Variants in LPP observed in about 807,000 individuals in gnomAD.
LPP encodes the protein lipoma-preferred partner.
Under a neutral mutation model 60.4 loss-of-function variants are expected in LPP, and 38 were observed. That is an observed-to-expected ratio of 0.63 (90% CI 0.49 to 0.83). LPP has a LOEUF of 0.83. Among genes scored for constraint, LPP ranks in the 40% least tolerant of loss-of-function variants. The probability of loss-of-function intolerance (pLI) is 0.00; values close to 1 mark genes in which losing one functional copy is unlikely to be tolerated. For missense variants in LPP, 902 were observed against 783.6 expected (o/e 1.15, Z -1.80); for synonymous variants, 328 against 290.8 (o/e 1.13, Z -1.30).
chr3:188,708,643 T>C, intron 8 of LPP: 1 of 560,974 alleles, frequency 1.8e-6, no homozygotes, highest in Non-Finnish European at 3.1e-6. Context: ...AATTTTATTG[T>C]TGAGACTTAT....
At chr3:188,549,664 C>T (rs897437052) in intron 6 of LPP, among the ~76,000 whole-genome samples, 26 of 152,002 alleles carry the variant, frequency 1.7e-4, no homozygotes, top group African/African-American at 6.3e-4. Context: ...AGTGATAAAC[C>T]CAAAAAATAC....
intron 2 of LPP, among the ~76,000 whole-genome samples, chr3:188,305,813 C>T (rs1040712154): frequency 5.3e-5 from 8 of 152,092 alleles, no homozygotes; most frequent in African/African-American, 1.7e-4. Context: ...GTACGTTGGC[C>T]AGAGAGAGAC....
chr3:188,289,638 CAT>C (rs936309099), intron 2 of LPP, among the ~76,000 whole-genome samples: 23 of 152,162 alleles, frequency 1.5e-4, no homozygotes, highest in African/African-American at 5.3e-4. Flanking sequence ...CCTGTAAACA[CAT>C]GTTTTTTTCA....
intron 9 of LPP, among the ~76,000 whole-genome samples, chr3:188,801,695 C>A (rs968145238): frequency 1.3e-5 from 2 of 152,194 alleles, no homozygotes; most frequent in African/African-American, 4.8e-5. Context: ...CTTTTCCCCA[C>A]TTTGCCATTC....
chr3:188,238,226 G>A (rs1446993846), intron 2 of LPP, among the ~76,000 whole-genome samples: 1 of 152,104 alleles, frequency 6.6e-6, no homozygotes, highest in African/African-American at 2.4e-5. Flanking sequence ...GCCTTGCTCT[G>A]GATTAGGCTT....
At chr3:188,298,825 A>G (rs917871075) in intron 2 of LPP, among the ~76,000 whole-genome samples, 4 of 152,098 alleles carry the variant, frequency 2.6e-5, no homozygotes, top group South Asian at 2.1e-4. Flanking sequence ...CATTCCCATC[A>G]TGAGTATTTA....
rs763728817 is a variant in LPP at position 188,341,715 on chromosome 3, C to A, written c.-14C>A. 3.4e-5 allele frequency: 33 copies of A among 984,114 alleles called. No individual in the cohort carries two copies. The highest frequency in any genetic ancestry group is 1.2e-4 in the Admixed American group (2 of 16,246). 61.0% of individuals were successfully genotyped at this position (984,114 alleles called of 1,614,324 possible). On this transcript the variant is annotated 5_prime_UTR_variant, in exon 3 of 12. In the 5' UTR this introduces an upstream ATG that the reference lacks. Coordinates refer to ENST00000617246, the MANE Select transcript of LPP (RefSeq NM_001375462.1). ...ACCATCCATTCCAGGAGCCAGCTAT[C>A]TGAGGTAAGAGAGGAGGCGTGTCTT...
chr3:188,701,109 T>C (rs1203479129), intron 7 of LPP, among the ~76,000 whole-genome samples: 8 of 152,252 alleles, frequency 5.3e-5, no homozygotes, highest in Admixed American at 5.2e-4. Context: ...TGAAGTGTTA[T>C]ATGAATATGA....
intron 9 of LPP, among the ~76,000 whole-genome samples, chr3:188,811,049 A>G (rs145150854): frequency 1.5e-3 from 230 of 152,244 alleles, no homozygotes; most frequent in Non-Finnish European, 2.7e-3. Flanking sequence ...CATTAATTGT[A>G]GGAGAATACA....
intron 1 of LPP, among the ~76,000 whole-genome samples, chr3:188,221,937 CTT>C (rs2149291394): frequency 6.6e-6 from 1 of 152,258 alleles, no homozygotes; most frequent in East Asian, 1.9e-4. Context: ...TGTCATGAAA[CTT>C]GATTTTGAAC....
At chr3:188,211,313 G>T (rs1031185978) in intron 1 of LPP, among the ~76,000 whole-genome samples, 2 of 152,090 alleles carry the variant, frequency 1.3e-5, no homozygotes, top group Non-Finnish European at 2.9e-5. Context: ...CTTCCTGGGG[G>T]TGAGAACAAG....
intron 4 of LPP, among the ~76,000 whole-genome samples, chr3:188,431,014 T>A (rs1349988127): frequency 6.6e-6 from 1 of 152,130 alleles, no homozygotes; most frequent in Admixed American, 6.5e-5. Context: ...TTTTGAGGTA[T>A]CATATTTTGC....
intron 9 of LPP, among the ~76,000 whole-genome samples, chr3:188,828,189 A>G (rs955967139): frequency 2.6e-5 from 4 of 152,174 alleles, no homozygotes; most frequent in African/African-American, 4.8e-5. Flanking sequence ...AATAATTGGC[A>G]AATTATATAG....
chr3:188,718,072 C>T (rs1388079905), intron 8 of LPP, among the ~76,000 whole-genome samples: 7 of 152,262 alleles, frequency 4.6e-5, no homozygotes, highest in African/African-American at 1.4e-4. Context: ...CCTCCTGCCT[C>T]GGCCTCCCAA....
At chr3:188,841,677 A>G (rs1394388397) in intron 9 of LPP, among the ~76,000 whole-genome samples, 1 of 152,044 alleles carries the variant, frequency 6.6e-6, no homozygotes, top group Non-Finnish European at 1.5e-5. Context: ...TGTTTTCTTA[A>G]CTACCCATTT....
intron 2 of LPP, among the ~76,000 whole-genome samples, chr3:188,271,060 T>C (rs1324045822): frequency 6.6e-6 from 1 of 152,246 alleles, no homozygotes; most frequent in Non-Finnish European, 1.5e-5. Flanking sequence ...AATTCCCCAG[T>C]GAAAGCATTT....
chr3:188,249,166 A>C (rs1728176802), intron 2 of LPP, among the ~76,000 whole-genome samples: 1 of 152,178 alleles, frequency 6.6e-6, no homozygotes, highest in African/African-American at 2.4e-5. Flanking sequence ...TGGGAGGCCG[A>C]GCAGGGAGGA....
intron 2 of LPP, among the ~76,000 whole-genome samples, chr3:188,290,050 G>A (rs185313026): frequency 1.1e-4 from 17 of 152,010 alleles, no homozygotes; most frequent in Non-Finnish European, 2.1e-4. Context: ...GTGCAGTGGC[G>A]CAACCTTGGC....
chr3:188,750,935 C>T (rs1314488815), intron 8 of LPP, among the ~76,000 whole-genome samples: 2 of 152,146 alleles, frequency 1.3e-5, no homozygotes, highest in South Asian at 2.1e-4. Flanking sequence ...ACACATTGAA[C>T]TCTTAAGTTC....
Sources: allele counts gnomAD v4.1 joint callset (sites outside exome capture counted in the v4.1 genomes callset), GRCh38; gene constraint gnomAD v4.1.1; transcripts MANE v1.5; gene names NCBI Gene and HGNC (gene_info 2026-07-23, HGNC 2026-07-21).